ZNF420: variants seen among roughly 807,000 people sequenced by gnomAD.
The protein encoded by ZNF420 is ATM and p53-associated KZNF protein.
Under a neutral mutation model 44.7 loss-of-function variants are expected in ZNF420, and 31 were observed. That is an observed-to-expected ratio of 0.69 (90% confidence interval 0.52 to 0.94). The LOEUF (loss-of-function observed/expected upper bound fraction) is 0.94. Among genes scored for constraint, ZNF420 ranks in the 40% least tolerant of loss-of-function variants. The pLI, the probability that ZNF420 is intolerant of heterozygous loss-of-function variation, is 0.00. For synonymous variants in ZNF420, 245 were observed against 267.4 expected, an observed-to-expected ratio of 0.92 and a Z score of 0.82; for missense variants, 681 against 827.9, an observed-to-expected ratio of 0.82 and a Z score of 2.18.
chr19:37,129,279 G>T lies in ZNF420; in HGVS notation c.*221G>T. On this transcript the variant is annotated 3_prime_UTR_variant, in exon 5 of 5. Coordinates refer to ENST00000337995, the MANE Select transcript of ZNF420 (RefSeq NM_144689.5). ...GAATAGTTTTAATATAGTAAATGTAGGAAGCCCTTTAGCCATATTGAAAAC... is the reference window on the plus strand; with the variant it reads ...GAATAGTTTTAATATAGTAAATGTATGAAGCCCTTTAGCCATATTGAAAAC... 1 of 556,990 alleles carries T rather than the reference G, an allele frequency of 1.8e-6. No homozygotes were observed. Among genetic ancestry groups the T allele is most frequent in the Non-Finnish European group, 3.1e-6 (1 of 324,094 alleles). The allele number at this position is 556,990 out of a possible 1,614,324, so 34.5% of individuals were successfully genotyped here. A position where few individuals can be genotyped will look rare whatever the true frequency, so the allele number is the denominator to read the frequency against.
At chr19:37,099,682 G>A (rs1969655064) in intron 4 of ZNF420, among the ~76,000 whole-genome samples, 1 of 152,112 alleles carries the variant, frequency 6.6e-6, no homozygotes, top group Non-Finnish European at 1.5e-5. Context: ...GGAGTGCAGT[G>A]GTGCAATCTC....
chr19:37,019,931 C>T (rs1484141935), intron 1 of ZNF420, among the ~76,000 whole-genome samples: 2 of 151,032 alleles, frequency 1.3e-5, no homozygotes, highest in Non-Finnish European at 3.0e-5. Context: ...TTTTAAATTC[C>T]CCTTGGCCGA....
At position 37,032,616 on chromosome 19, in the gene ZNF420, C is replaced by G. The variant is rs549571513; in HGVS notation, c.-125+24534C>G. Among the ~76,000 whole-genome samples the G allele has an allele frequency of 2.6e-5, 4 of 151,928 alleles. No individual in the cohort carries two copies. In the East Asian group the frequency reaches 7.8e-4, roughly 30 times the overall value. On this transcript the variant is annotated intron_variant, in intron 1 of 4. Transcript: ENST00000587029. ...GGTCAGGAGTTCGAGACAAGCCTTA[C>G]CAACAAGGTTAAACCCCGTCTCTAC...
chr19:37,041,096 G>C (rs764591227), intron 1 of ZNF420, among the ~76,000 whole-genome samples: 1 of 151,938 alleles, frequency 6.6e-6, no homozygotes, highest in Non-Finnish European at 1.5e-5. Flanking sequence ...GGCCGAGGTG[G>C]GAGGGTCACC....
chr19:37,078,603 C>G (rs1968244339), intron 1 of ZNF420, 33 bp downstream of exon 1: 1 of 152,324 alleles, frequency 6.6e-6, no homozygotes, highest in Non-Finnish European at 1.5e-5. Flanking sequence ...AGCGGACACG[C>G]GCGGAGAAAG....
chr19:37,020,404 C>G (rs1431641603), intron 1 of ZNF420, among the ~76,000 whole-genome samples: 10 of 152,054 alleles, frequency 6.6e-5, no homozygotes, highest in Non-Finnish European at 1.5e-5. Flanking sequence ...CAAAACTCTC[C>G]TCTACCCAAA....
chr19:37,053,181 CAT>C lies in ZNF420; in HGVS notation c.-124-27162_-124-27161del, dbSNP rs547162297. Among the ~76,000 whole-genome samples, 449 of 152,326 alleles carry C rather than the reference CAT, an allele frequency of 2.9e-3. 5 individuals are homozygous for C. Among genetic ancestry groups the C allele is most frequent in the African/African-American group, 0.01 (432 of 41,568 alleles). ...GCTACTGAGGCTTGTGCATTCATCA[CAT>C]AGTTTTCGTGCCTTGGCTTTTGGCT... On this transcript the variant is annotated intron_variant, in intron 1 of 4. Transcript: ENST00000587029.
chr19:37,028,671 G>C (rs180825152), intron 1 of ZNF420, among the ~76,000 whole-genome samples: 5 of 152,128 alleles, frequency 3.3e-5, no homozygotes, highest in Non-Finnish European at 7.3e-5. Flanking sequence ...GCCACACTGG[G>C]TTCATAATCT....
intron 4 of ZNF420, among the ~76,000 whole-genome samples, chr19:37,117,268 C>T (rs1599712863): frequency 6.6e-6 from 1 of 152,174 alleles, no homozygotes; most frequent in South Asian, 2.1e-4. Flanking sequence ...TCCAGAGGAA[C>T]GATCAGGCAG....
intron 3 of ZNF420, among the ~76,000 whole-genome samples, chr19:37,090,490 C>T (rs1969069343): frequency 6.6e-6 from 1 of 152,106 alleles, no homozygotes; most frequent in Non-Finnish European, 1.5e-5. Context: ...GCCTGGATGA[C>T]AGAGCAAGAC....
chr19:37,025,209 T>C, intron 1 of ZNF420: 1 of 387,090 alleles, frequency 2.6e-6, no homozygotes, highest in Non-Finnish European at 4.3e-6. Context: ...CCCCACACTC[T>C]TTACATTCAT....
intron 4 of ZNF420, among the ~76,000 whole-genome samples, chr19:37,114,620 T>C (rs1333460601): frequency 2.6e-5 from 4 of 152,200 alleles, no homozygotes; most frequent in African/African-American, 9.6e-5. Flanking sequence ...TGTAATTGAT[T>C]ATAGTCAACA....
chr19:37,015,653 T>G (rs2074604042), intron 1 of ZNF420, among the ~76,000 whole-genome samples: 1 of 152,170 alleles, frequency 6.6e-6, no homozygotes, highest in Admixed American at 6.5e-5. Flanking sequence ...GTCCCACAAC[T>G]ACACCAGCAG....
intron 4 of ZNF420, among the ~76,000 whole-genome samples, chr19:37,103,498 T>A (rs2146612915): frequency 6.6e-6 from 1 of 152,322 alleles, no homozygotes; most frequent in African/African-American, 2.4e-5. Context: ...TACATAATGG[T>A]CATGACTATT....
intron 1 of ZNF420, among the ~76,000 whole-genome samples, chr19:37,034,473 CAA>C (rs1967318208): frequency 6.6e-6 from 1 of 152,112 alleles, no homozygotes; most frequent in Non-Finnish European, 1.5e-5. Context: ...TTTGATTGCA[CAA>C]AAGTTTTAAA....
At chr19:37,124,951 C>T (rs561126758) in intron 4 of ZNF420, among the ~76,000 whole-genome samples, 8 of 152,356 alleles carry the variant, frequency 5.3e-5, no homozygotes, top group Non-Finnish European at 7.3e-5. Flanking sequence ...ATTCTCCTGC[C>T]TTAGCCTCCC....
upstream of ZNF420, among the ~76,000 whole-genome samples, chr19:37,076,917 T>C (rs1186192704): frequency 5.3e-5 from 8 of 152,218 alleles, no homozygotes; most frequent in Non-Finnish European, 1.2e-4. Flanking sequence ...ATATTTCACA[T>C]AGCTATGCCT....
chr19:37,109,067 T>C (rs1970246216), intron 4 of ZNF420, among the ~76,000 whole-genome samples: 1 of 152,238 alleles, frequency 6.6e-6, no homozygotes, highest in Non-Finnish European at 1.5e-5. Context: ...GCTTACCATG[T>C]GATAAGTGAA....
chr19:37,091,337 C>G (rs1158565238), intron 4 of ZNF420: 18 of 337,468 alleles, frequency 5.3e-5, no homozygotes, highest in Non-Finnish European at 7.9e-5. Context: ...ACCATCTTCC[C>G]TGATGAACAA....
Sources: allele counts gnomAD v4.1 joint callset (sites outside exome capture counted in the v4.1 genomes callset), GRCh38; gene constraint gnomAD v4.1.1; transcripts MANE v1.5; gene names NCBI Gene and HGNC (gene_info 2026-07-23, HGNC 2026-07-21).